DR1: variants seen among roughly 807,000 people sequenced by gnomAD.
DR1 encodes the protein protein Dr1.
Under a neutral mutation model 19.9 loss-of-function variants are expected in DR1, and 7 were observed. The ratio of observed to expected loss-of-function variants is 0.35; its 90% CI spans 0.20 to 0.66. DR1 has a LOEUF of 0.66. DR1 is among the 30% of genes least tolerant of loss of function. The pLI is 0.66. For missense variants in DR1, 98 were observed against 203.7 expected, an observed-to-expected ratio of 0.48 and a Z score of 3.16; for synonymous variants, 76 against 72.5, an observed-to-expected ratio of 1.05 and a Z score of -0.24.
intron 1 of DR1, among the ~76,000 whole-genome samples, chr1:93,348,045 A>G (rs988942976): frequency 6.6e-6 from 1 of 152,140 alleles, no homozygotes; most frequent in African/African-American, 2.4e-5. Context: ...TATATTGACC[A>G]TATCCAATAT....
rs1346184601 is a variant in DR1 at position 93,361,197 on chromosome 1, C to T, written c.*558C>T. 1.3e-5 allele frequency: 2 copies of T among 152,486 alleles called. No individual in the cohort carries two copies. Among genetic ancestry groups the T allele is most frequent in the Non-Finnish European group, 2.9e-5 (2 of 67,970 alleles). The allele number at this position is 152,486 out of a possible 1,614,324, so 9.4% of individuals were successfully genotyped here. On this transcript the variant is annotated 3_prime_UTR_variant, in exon 3 of 3. Coordinates refer to ENST00000370272, the MANE Select transcript of DR1 (RefSeq NM_001938.3). ...ATACTTGTTTAGAAAAACTTCAAGA[C>T]ATTCAAAAACTAGGAAGGAGTATGT...
In DR1 at chr1:93,346,627, C is replaced by G. The variant is rs1176170075; in HGVS notation, c.-19C>G. On this transcript the variant is annotated 5_prime_UTR_variant, in exon 1 of 3. Transcript: ENST00000370272. ...TGGGGAGTTTTTAAAAGCCGGGGCG[C>G]GAGAAACAGGAAGGTACTATGGCTT... 1.2e-6 allele frequency: 2 copies of G among 1,607,826 alleles called. No homozygotes were observed. Among genetic ancestry groups the G allele is most frequent in the African/African-American group, 2.7e-5 (2 of 74,648 alleles).
Position 93,363,632 on chromosome 1 carries a change from G to T in DR1, c.*2993G>T, listed in dbSNP as rs1250912953. ...ATCTTTCCCTGCCTCTAAGTTTAGG[G>T]CTCACCTGCATAAAGCAGGGATAAT... On this transcript the variant is annotated 3_prime_UTR_variant, in exon 3 of 3. Coordinates refer to ENST00000370272, the MANE Select transcript of DR1 (RefSeq NM_001938.3). 6.6e-6 allele frequency: 1 copy of T among 152,092 alleles called. No homozygotes were observed. Among genetic ancestry groups the T allele is most frequent in the Non-Finnish European group, 1.5e-5 (1 of 68,024 alleles). 9.4% of individuals were successfully genotyped at this position (152,092 alleles called of 1,614,324 possible). A position where few individuals can be genotyped will look rare whatever the true frequency, so the allele number is the denominator to read the frequency against.
At chr1:93,351,436 CTTTTTTTTTTTTT>C (rs397862048) in intron 1 of DR1, among the ~76,000 whole-genome samples, 5 of 103,844 alleles carry the variant, frequency 4.8e-5, no homozygotes, top group Admixed American at 4.1e-4. Context: ...GATTTTCTTT[CTTTTTTTTTTTTT>C]TTTTTTTTTT....
chr1:93,351,436 CTTTTTT>C (rs397862048), intron 1 of DR1, among the ~76,000 whole-genome samples: 1 of 103,810 alleles, frequency 9.6e-6, no homozygotes, highest in African/African-American at 3.8e-5. Context: ...GATTTTCTTT[CTTTTTT>C]TTTTTTTTTT....
In DR1 at chr1:93,364,669, G is replaced by A. The variant is rs1009518569; in HGVS notation, c.*4030G>A. On this transcript the variant is annotated 3_prime_UTR_variant, in exon 3 of 3. Coordinates refer to ENST00000370272, the MANE Select transcript of DR1 (RefSeq NM_001938.3). ...AGTGTCATGGTTAGGATCGGCCAGG[G>A]TGAAGAGAATGATAACATAAGTAGC... 2.0e-5 allele frequency: 3 copies of A among 152,090 alleles called. No homozygotes were observed. Among genetic ancestry groups the A allele is most frequent in the African/African-American group, 7.2e-5 (3 of 41,394 alleles). 9.4% of individuals were successfully genotyped at this position (152,090 alleles called of 1,614,324 possible). A position where few individuals can be genotyped will look rare whatever the true frequency, so the allele number is the denominator to read the frequency against.
At chr1:93,357,551 G>C (rs1026582935) in intron 2 of DR1, among the ~76,000 whole-genome samples, 40 of 108,280 alleles carry the variant, frequency 3.7e-4, no homozygotes, top group Admixed American at 9.6e-5. Flanking sequence ...ATAATGATCA[G>C]TGCTACCATT....
At chr1:93,360,235 G>A (rs776108066) in intron 2 of DR1, among the ~76,000 whole-genome samples, 1 of 152,006 alleles carries the variant, frequency 6.6e-6, no homozygotes, top group Non-Finnish European at 1.5e-5. Flanking sequence ...TAAATTACGT[G>A]AAATAAAACA....
At position 93,364,581 on chromosome 1, in the gene DR1, C is replaced by G. The variant is rs1173415274; in HGVS notation, c.*3942C>G. The G allele has an allele frequency of 6.6e-6, 1 of 152,022 alleles. No individual in the cohort carries two copies. The highest frequency in any genetic ancestry group is 2.4e-5 in the African/African-American group (1 of 41,402). 9.4% of individuals were successfully genotyped at this position (152,022 alleles called of 1,614,324 possible). A position where few individuals can be genotyped will look rare whatever the true frequency, so the allele number is the denominator to read the frequency against. On this transcript the variant is annotated 3_prime_UTR_variant, in exon 3 of 3. Transcript: ENST00000370272. ...GCTGTTTTCTTTTTTGCCTCTGTCCCCAACAATTTGACCACAAGTCCTACC... is the reference window on the plus strand; with the variant it reads ...GCTGTTTTCTTTTTTGCCTCTGTCCGCAACAATTTGACCACAAGTCCTACC...
chr1:93,358,789 A>G (rs1176362107), intron 2 of DR1, among the ~76,000 whole-genome samples: 2 of 152,176 alleles, frequency 1.3e-5, no homozygotes, highest in African/African-American at 4.8e-5. Context: ...ATACTTGTTT[A>G]ACAATTCTTC....
Position 93,360,779 on chromosome 1 carries a change from T to C in DR1, c.*140T>C. 1.1e-6 allele frequency: 1 copy of C among 926,682 alleles called. No homozygotes were observed. The highest frequency in any genetic ancestry group is 1.9e-5 in the South Asian group (1 of 52,802). 57.4% of individuals were successfully genotyped at this position (926,682 alleles called of 1,614,324 possible). A position where few individuals can be genotyped will look rare whatever the true frequency, so the allele number is the denominator to read the frequency against. Reference sequence around the variant, plus strand: ...TATTCTAGGGATGTCTGCTATTAAGTTTCATCTATTGTGTGCTATACATGT... The same window carrying C: ...TATTCTAGGGATGTCTGCTATTAAGCTTCATCTATTGTGTGCTATACATGT... On this transcript the variant is annotated 3_prime_UTR_variant, in exon 3 of 3. Coordinates refer to ENST00000370272, the MANE Select transcript of DR1 (RefSeq NM_001938.3).
At chr1:93,360,021 G>T (rs1218457351) in intron 2 of DR1, among the ~76,000 whole-genome samples, 1 of 152,084 alleles carries the variant, frequency 6.6e-6, no homozygotes, top group Admixed American at 6.6e-5. Context: ...TTCCTATGAG[G>T]TAGAGGTACT....
intron 1 of DR1, among the ~76,000 whole-genome samples, chr1:93,348,026 A>G (rs1666873602): frequency 6.6e-6 from 1 of 152,156 alleles, no homozygotes; most frequent in African/African-American, 2.4e-5. Context: ...AGTAGAGAAC[A>G]CATCTGCTTA....
rs917234583 is a variant in DR1, at chr1:93,366,026, C to T, written c.*5387C>T. 1.2e-4 allele frequency: 19 copies of T among 152,176 alleles called. No individual in the cohort carries two copies. The highest frequency in any genetic ancestry group is 4.3e-4 in the African/African-American group (18 of 41,442). 9.4% of individuals were successfully genotyped at this position (152,176 alleles called of 1,614,324 possible). A position where few individuals can be genotyped will look rare whatever the true frequency, so the allele number is the denominator to read the frequency against. The stretch of plus-strand genomic sequence containing the variant: ...CTATTGTGCAACCACCACCACCATC[C>T]GTCTACAGAACTCTTCATCTTCCCA... On this transcript the variant is annotated 3_prime_UTR_variant, in exon 3 of 3. Coordinates refer to ENST00000370272, the MANE Select transcript of DR1 (RefSeq NM_001938.3).
chr1:93,353,379 G>A (rs1666942101), intron 1 of DR1, among the ~76,000 whole-genome samples: 1 of 152,090 alleles, frequency 6.6e-6, no homozygotes, highest in Non-Finnish European at 1.5e-5. Flanking sequence ...TATAAGTGCT[G>A]AATTTCATGA....
In DR1 at chr1:93,360,978, A is replaced by T. The variant is rs569652672; in HGVS notation, c.*339A>T. On this transcript the variant is annotated 3_prime_UTR_variant, in exon 3 of 3. Coordinates refer to ENST00000370272, the MANE Select transcript of DR1 (RefSeq NM_001938.3). ...TACAGTGAAATTTCTACAAAGCTCT[A>T]AATCTGCATTTGCATTTCCTCTGCC... is the stretch of plus-strand genomic sequence containing the variant. 1 of 172,264 alleles carries T rather than the reference A, an allele frequency of 5.8e-6. No individual in the cohort carries two copies. The highest frequency in any genetic ancestry group is 2.4e-5 in the African/African-American group (1 of 41,894). The allele number at this position is 172,264 out of a possible 1,614,324, so 10.7% of individuals were successfully genotyped here.
rs1305276230 is a variant in DR1, at chr1:93,359,949, ATT to A, written c.385-543_385-542del. Among the ~76,000 whole-genome samples, 3 of 152,186 alleles carry A rather than the reference ATT, an allele frequency of 2.0e-5. No homozygotes were observed. In the East Asian group the frequency reaches 5.8e-4, roughly 29 times the overall value. On this transcript the variant is annotated intron_variant, in intron 2 of 2. Transcript: ENST00000370272. ...AGATAGGCATATAGTAGGTTAGGGAATTGTAATAGAAACTCAGAAAGAAATAA... is the reference window on the plus strand; with the variant it reads ...AGATAGGCATATAGTAGGTTAGGGAAGTAATAGAAACTCAGAAAGAAATAA...
intron 1 of DR1, among the ~76,000 whole-genome samples, chr1:93,347,182 A>T (rs1039201256): frequency 1.3e-5 from 2 of 152,244 alleles, no homozygotes; most frequent in African/African-American, 4.8e-5. Context: ...AGTTGAACTT[A>T]GATAATAATT....
intron 1 of DR1, among the ~76,000 whole-genome samples, chr1:93,350,403 A>G (rs1482639703): frequency 6.6e-6 from 1 of 152,204 alleles, no homozygotes; most frequent in Non-Finnish European, 1.5e-5. Context: ...TGTGAAATAC[A>G]TTAGTTGCTT....
Sources: allele counts gnomAD v4.1 joint callset (sites outside exome capture counted in the v4.1 genomes callset), GRCh38; gene constraint gnomAD v4.1.1; transcripts MANE v1.5; gene names NCBI Gene and HGNC (gene_info 2026-07-23, HGNC 2026-07-21).